CTDSPL: variants seen among roughly 807,000 people sequenced by gnomAD.
The protein encoded by CTDSPL is CTD small phosphatase like, also known as CTD small phosphatase-like protein.
CTDSPL carries 8 observed loss-of-function variants against 30.5 expected under a neutral mutation model. The observed-to-expected ratio is 0.26, with a 90% CI of 0.15 to 0.47. The LOEUF is 0.47. Ranked by LOEUF, CTDSPL falls within the 20% of genes least tolerant of loss-of-function variation. CTDSPL has a pLI of 0.99. For missense variants in CTDSPL, 248 were observed against 366.1 expected (o/e 0.68, Z 2.63); for synonymous variants, 110 against 137.9 (o/e 0.80, Z 1.42).
chr3:37,867,231 G>A (rs1698020539), intron 1 of CTDSPL, among the ~76,000 whole-genome samples: 1 of 151,958 alleles, frequency 6.6e-6, no homozygotes, highest in Admixed American at 6.6e-5. Context: ...TTTTGGAATT[G>A]CTTTTTTTCA....
intron 1 of CTDSPL, among the ~76,000 whole-genome samples, chr3:37,887,085 G>A (rs1036845632): frequency 6.6e-6 from 1 of 152,182 alleles, no homozygotes. Flanking sequence ...TTCCATCCAG[G>A]ATGTCACGGC....
At chr3:37,927,636 ATG>A (rs71094932) in intron 1 of CTDSPL, among the ~76,000 whole-genome samples, 11,500 of 115,442 alleles carry the variant, frequency 0.1, 685 homozygotes, top group East Asian at 0.35. Flanking sequence ...AGAAAAATAT[ATG>A]TGTGTGTGTG....
chr3:37,935,164 A>G (rs983685276), intron 1 of CTDSPL, among the ~76,000 whole-genome samples: 4 of 152,204 alleles, frequency 2.6e-5, no homozygotes, highest in Non-Finnish European at 4.4e-5. Context: ...TATTGTTTGC[A>G]TGAATACTTC....
At chr3:37,908,777 C>T (rs563756154) in intron 1 of CTDSPL, among the ~76,000 whole-genome samples, 1 of 152,176 alleles carries the variant, frequency 6.6e-6, no homozygotes, top group African/African-American at 2.4e-5. Context: ...CTTGGACCGG[C>T]ATTGTGTTCT....
At chr3:37,945,710 T>A (rs1699027492) in intron 1 of CTDSPL, among the ~76,000 whole-genome samples, 1 of 152,202 alleles carries the variant, frequency 6.6e-6, no homozygotes, top group Non-Finnish European at 1.5e-5. Context: ...AGATTTATGG[T>A]TCTGAAGCTC....
intron 1 of CTDSPL, among the ~76,000 whole-genome samples, chr3:37,913,048 TG>T (rs1698601221): frequency 6.6e-6 from 1 of 152,194 alleles, no homozygotes; most frequent in Non-Finnish European, 1.5e-5. Flanking sequence ...TGGCCAGATG[TG>T]GCAGCTCACA....
In CTDSPL at chr3:37,882,441, CA is replaced by C. The variant is rs35235848; in HGVS notation, c.79+20181del. On this transcript the variant is annotated intron_variant, in intron 1 of 7. Transcript: ENST00000273179. ...TGGGTGACAGAGCAAGACTCTAACT[CA>C]AAAAAAAAAAAAAAAAATTCAAAAA... Among the ~76,000 whole-genome samples the C allele has an allele frequency of 2.0e-3, 239 of 120,898 alleles. 1 individual carries two copies. The highest frequency in any genetic ancestry group is 4.3e-3 in the Middle Eastern group (1 of 234). The allele number at this position is 120,898 out of a possible 152,430, so 79.3% of individuals were successfully genotyped here. A position where few individuals can be genotyped will look rare whatever the true frequency, so the allele number is the denominator to read the frequency against.
At chr3:37,933,607 C>G (rs1698881360) in intron 1 of CTDSPL, among the ~76,000 whole-genome samples, 1 of 152,214 alleles carries the variant, frequency 6.6e-6, no homozygotes, top group African/African-American at 2.4e-5. Flanking sequence ...AAACTCCACT[C>G]TTTACTAGCT....
rs930879876 is a variant in CTDSPL at position 37,982,234 on chromosome 3, T to G, written c.*1367T>G. On this transcript the variant is annotated 3_prime_UTR_variant, in exon 8 of 8. Transcript: ENST00000273179. ...TCTCCTTTGAAGCACAGCCTATTTC[T>G]GAGCCAAGGGTTGGGGAAGCCTGTC... is the stretch of plus-strand genomic sequence containing the variant. 9.2e-5 allele frequency: 29 copies of G among 313,876 alleles called. No homozygotes were observed. The highest frequency in any genetic ancestry group is 1.6e-4 in the Non-Finnish European group (26 of 158,972). 19.4% of individuals were successfully genotyped at this position (313,876 alleles called of 1,614,324 possible). A position where few individuals can be genotyped will look rare whatever the true frequency, so the allele number is the denominator to read the frequency against.
chr3:37,974,139 G>A (rs951012197), intron 6 of CTDSPL, among the ~76,000 whole-genome samples: 2 of 152,206 alleles, frequency 1.3e-5, no homozygotes, highest in African/African-American at 4.8e-5. Flanking sequence ...CAGGGAAGCC[G>A]AAAGATGGGA....
intron 1 of CTDSPL, among the ~76,000 whole-genome samples, chr3:37,913,314 T>C (rs1206108001): frequency 6.6e-6 from 1 of 152,170 alleles, no homozygotes; most frequent in Admixed American, 6.6e-5. Context: ...AGTGAGACTC[T>C]GTCTCAAAAA....
chr3:37,896,136 A>T (rs562734891), intron 1 of CTDSPL, among the ~76,000 whole-genome samples: 1 of 152,340 alleles, frequency 6.6e-6, no homozygotes, highest in South Asian at 2.1e-4. Flanking sequence ...ATCAGTAAGA[A>T]TCAGATGTTT....
rs968547651 is a variant in CTDSPL at position 37,962,463 on chromosome 3, C to T, written c.268-2108C>T. 3.3e-5 allele frequency among the ~76,000 whole-genome samples: 5 copies of T among 152,162 alleles called. No individual in the cohort carries two copies. In the East Asian group the frequency reaches 5.8e-4, roughly 18 times the overall value. On this transcript the variant is annotated intron_variant, in intron 3 of 7. Transcript: ENST00000273179. ...CTTCTCCATCTTTTCTCTCTTAGAT[C>T]GTACCATGAGGGGTTTTACTTACTG...
At chr3:37,886,775 A>G (rs778811271) in intron 1 of CTDSPL, among the ~76,000 whole-genome samples, 1 of 152,208 alleles carries the variant, frequency 6.6e-6, no homozygotes, top group Non-Finnish European at 1.5e-5. Context: ...GTGGTTATCA[A>G]TATTTAGAAT....
At chr3:37,931,637 G>C (rs1286815014) in intron 1 of CTDSPL, among the ~76,000 whole-genome samples, 2 of 151,824 alleles carry the variant, frequency 1.3e-5, no homozygotes, top group Non-Finnish European at 2.9e-5. Context: ...GTAGTGACAT[G>C]CTTTGATTCC....
At chr3:37,956,568 G>A (rs1270048564) in intron 2 of CTDSPL, among the ~76,000 whole-genome samples, 1 of 152,114 alleles carries the variant, frequency 6.6e-6, no homozygotes, top group Non-Finnish European at 1.5e-5. Context: ...TTCCCTTAAA[G>A]GAAAGCTATC....
At chr3:37,904,914 G>A (rs1698496428) in intron 1 of CTDSPL, among the ~76,000 whole-genome samples, 1 of 152,060 alleles carries the variant, frequency 6.6e-6, no homozygotes, top group Non-Finnish European at 1.5e-5. Context: ...CAAGTAACTA[G>A]CCAAAACATG....
At chr3:37,866,296 A>G (rs1244378661) in intron 1 of CTDSPL, among the ~76,000 whole-genome samples, 4 of 152,168 alleles carry the variant, frequency 2.6e-5, no homozygotes, top group African/African-American at 9.7e-5. Flanking sequence ...AGAACAGTAT[A>G]AACAGTATGG....
intron 4 of CTDSPL, 104 bp downstream of exon 4, chr3:37,964,776 G>T: frequency 1.3e-6 from 1 of 796,700 alleles, no homozygotes; most frequent in South Asian, 1.8e-5. Flanking sequence ...GTTAGTGTGT[G>T]ACTTCACTCT....
Sources: gnomAD v4.1 joint callset for allele counts (sites outside exome capture counted in the v4.1 genomes callset) on GRCh38, gnomAD v4.1.1 for gene constraint, MANE v1.5 for transcripts, NCBI Gene and HGNC (gene_info 2026-07-23, HGNC 2026-07-21) for gene names.